ATP6V0D2: variants seen among roughly 807,000 people sequenced by gnomAD.
The protein encoded by ATP6V0D2 is V-type proton ATPase subunit d 2.
A neutral mutation model predicts 40.0 loss-of-function variants in ATP6V0D2; 40 were observed. The ratio of observed to expected loss-of-function variants is 1.00; its 90% CI spans 0.78 to 1.30. The LOEUF (loss-of-function observed/expected upper bound fraction) is 1.30. ATP6V0D2 is among the 50% of genes most tolerant of loss of function. ATP6V0D2 has a pLI of 0.00. For synonymous variants in ATP6V0D2, 179 were observed against 156.3 expected, an observed-to-expected ratio of 1.15 and a Z score of -1.08; for missense variants, 470 against 423.1, an observed-to-expected ratio of 1.11 and a Z score of -0.97.
chr8:86,132,891 A>G (rs980243116), intron 2 of ATP6V0D2, among the ~76,000 whole-genome samples: 1 of 152,062 alleles, frequency 6.6e-6, no homozygotes, highest in Non-Finnish European at 1.5e-5. Flanking sequence ...TAGTTTTTTG[A>G]GGTATCTTCC....
Position 86,153,001 on chromosome 8 carries a change from G to A in ATP6V0D2, c.*24G>A. 3 of 1,532,792 alleles carry A rather than the reference G, an allele frequency of 2.0e-6. No homozygotes were observed. Among genetic ancestry groups the A allele is most frequent in the East Asian group, 2.3e-5 (1 of 42,970 alleles). The allele number at this position is 1,532,792 out of a possible 1,614,324, so 94.9% of individuals were successfully genotyped here. A position where few individuals can be genotyped will look rare whatever the true frequency, so the allele number is the denominator to read the frequency against. ...AACCCAAGTAAGGTTCTCAAATGTAGAAAATTATAAATGTTAAAAGGAAGT... is the reference window on the plus strand; with the variant it reads ...AACCCAAGTAAGGTTCTCAAATGTAAAAAATTATAAATGTTAAAAGGAAGT... On this transcript the variant is annotated 3_prime_UTR_variant, in exon 8 of 8. Transcript: ENST00000285393.
chr8:86,112,081 A>T (rs768897321), intron 1 of ATP6V0D2, among the ~76,000 whole-genome samples: 2 of 152,200 alleles, frequency 1.3e-5, no homozygotes, highest in Non-Finnish European at 1.5e-5. Context: ...GTTGCCAAGG[A>T]CATTTTAGAT....
chr8:86,124,263 A>G (rs974010150), intron 2 of ATP6V0D2, among the ~76,000 whole-genome samples: 2 of 152,220 alleles, frequency 1.3e-5, no homozygotes, highest in Non-Finnish European at 2.9e-5. Context: ...ATTGAAAAAC[A>G]CTGGCGCTAT....
At chr8:86,126,267 T>G (rs1818744496) in intron 2 of ATP6V0D2, among the ~76,000 whole-genome samples, 1 of 141,178 alleles carries the variant, frequency 7.1e-6, no homozygotes, top group Admixed American at 7.2e-5. Context: ...TATATATCTT[T>G]TTGTATATAG....
chr8:86,127,431 T>C (rs1483481569), intron 2 of ATP6V0D2, among the ~76,000 whole-genome samples: 1 of 152,060 alleles, frequency 6.6e-6, no homozygotes, highest in Non-Finnish European at 1.5e-5. Flanking sequence ...CACCGATCCT[T>C]TCCATGAACA....
Position 86,150,260 on chromosome 8 carries a change from A to T in ATP6V0D2, c.788A>T (p.Gln263Leu), listed in dbSNP as rs781004542. 6.2e-7 allele frequency: 1 copy of T among 1,613,434 alleles called. No individual in the cohort carries two copies. The highest frequency in any genetic ancestry group is 1.7e-5 in the Admixed American group (1 of 59,912). ...RLLAQAEDFD[Q>L]MKNVADHYGV... ...TTGGCTCAAGCAGAAGACTTTGACC[A>T]GATGAAGAACGTAGCGGATCATTAC... Residue 263 changes from glutamine (Q) to leucine (L), a missense_variant, in exon 6 of 8, where the codon CAG (glutamine) becomes CTG (leucine). Gln to Leu is a moderately radical substitution (Grantham distance 113). Coordinates refer to ENST00000285393, the MANE Select transcript of ATP6V0D2 (RefSeq NM_152565.1).
At chr8:86,105,027 CG>C (rs1434346989) in intron 1 of ATP6V0D2, among the ~76,000 whole-genome samples, 2 of 152,164 alleles carry the variant, frequency 1.3e-5, no homozygotes, top group Non-Finnish European at 2.9e-5. Flanking sequence ...TCCTGGAAAG[CG>C]ACCATCTCCC....
rs1554587051 is a variant in ATP6V0D2, at chr8:86,105,616, C to CCT, written c.130+6508_130+6509insCT. 1.5e-3 allele frequency among the ~76,000 whole-genome samples: 198 copies of CCT among 131,208 alleles called. 1 individual carries two copies. The highest frequency in any genetic ancestry group is 5.4e-3 in the African/African-American group (193 of 35,592). The allele number at this position is 131,208 out of a possible 152,430, so 86.1% of individuals were successfully genotyped here. On this transcript the variant is annotated intron_variant, in intron 1 of 7. Transcript: ENST00000285393. Reference sequence around the variant, plus strand: ...TGCCTAGCCTGTAAACTTCTTTTTTCTTTTCTTTTTTTTTTTTTTTGAGAT... The same window carrying CCT: ...TGCCTAGCCTGTAAACTTCTTTTTTCCTTTTTCTTTTTTTTTTTTTTTGAGAT...
intron 2 of ATP6V0D2, among the ~76,000 whole-genome samples, chr8:86,118,244 TA>T (rs60845415): frequency 0.58 from 83,334 of 144,044 alleles, 25,285 homozygotes; most frequent in Non-Finnish European, 0.69. Flanking sequence ...TATTTTTTTT[TA>T]TTTTTTTTAG....
intron 2 of ATP6V0D2, among the ~76,000 whole-genome samples, chr8:86,127,526 G>T (rs890788401): frequency 2.0e-5 from 3 of 151,664 alleles, no homozygotes. Context: ...TGTGATCATG[G>T]CTCACTGCAA....
chr8:86,151,612 G>A (rs1819154206), intron 7 of ATP6V0D2, 72 bp downstream of exon 7: 1 of 1,303,174 alleles, frequency 7.7e-7, no homozygotes, highest in Admixed American at 2.1e-5. Context: ...TCTTACTTTG[G>A]GTTTTCTTTT....
intron 1 of ATP6V0D2, among the ~76,000 whole-genome samples, chr8:86,108,288 G>A (rs1026750320): frequency 2.0e-5 from 3 of 152,088 alleles, no homozygotes; most frequent in Non-Finnish European, 4.4e-5. Flanking sequence ...CCACAGGCAT[G>A]TGCCACCACA....
At chr8:86,103,394 G>T (rs1366874957) in intron 1 of ATP6V0D2, among the ~76,000 whole-genome samples, 1 of 151,414 alleles carries the variant, frequency 6.6e-6, no homozygotes, top group African/African-American at 2.4e-5. Flanking sequence ...GCCTCCTAAA[G>T]TGCTGGGATT....
intron 2 of ATP6V0D2, among the ~76,000 whole-genome samples, chr8:86,126,191 C>T (rs1183458343): frequency 2.2e-5 from 3 of 137,172 alleles, no homozygotes; most frequent in African/African-American, 7.7e-5. Flanking sequence ...CCTGCCTCAG[C>T]CTCCCAAAGT....
chr8:86,116,590 A>T (rs1818594067), intron 2 of ATP6V0D2, among the ~76,000 whole-genome samples: 1 of 152,076 alleles, frequency 6.6e-6, no homozygotes, highest in South Asian at 2.1e-4. Context: ...CAAGTAGCTA[A>T]ATTATTTTTA....
intron 5 of ATP6V0D2, among the ~76,000 whole-genome samples, chr8:86,144,701 T>C (rs1819023050): frequency 6.6e-6 from 1 of 152,136 alleles, no homozygotes; most frequent in African/African-American, 2.4e-5. Context: ...TCTCACTCTG[T>C]TGCCCAAACT....
intron 2 of ATP6V0D2, among the ~76,000 whole-genome samples, chr8:86,132,524 ATTACCT>A (rs1818841292): frequency 6.6e-6 from 1 of 152,008 alleles, no homozygotes. Context: ...CATTCTACTC[ATTACCT>A]TTATGAGATC....
intron 2 of ATP6V0D2, 150 bp from the exon 3 acceptor site, chr8:86,139,307 C>A (rs1818941216): frequency 3.8e-6 from 2 of 526,992 alleles, no homozygotes; most frequent in East Asian, 3.2e-5. Context: ...TTCTCCACAT[C>A]TCCTAAACCC....
chr8:86,136,729 A>G (rs1818902554), intron 2 of ATP6V0D2, among the ~76,000 whole-genome samples: 1 of 152,104 alleles, frequency 6.6e-6, no homozygotes, highest in Non-Finnish European at 1.5e-5. Flanking sequence ...CCCTTTTCCA[A>G]CCAGAAACGA....
Sources: allele counts gnomAD v4.1 joint callset (sites outside exome capture counted in the v4.1 genomes callset), GRCh38; gene constraint gnomAD v4.1.1; transcripts MANE v1.5; gene names NCBI Gene and HGNC (gene_info 2026-07-23, HGNC 2026-07-21).